XIRP1: variants seen among roughly 807,000 people sequenced by gnomAD.
The protein encoded by XIRP1 is xin actin-binding repeat-containing protein 1.
For synonymous variants in XIRP1, 984 were observed against 947.0 expected (o/e 1.04, Z -0.72); for missense variants, 2,378 against 2,345.4 (o/e 1.01, Z -0.29).
In XIRP1 at chr3:39,184,014, A is replaced by G. The variant is rs961312723; in HGVS notation, c.5432T>C (p.Leu1811Pro). Reference sequence around the variant, plus strand: ...AGCTGGGCTGTGCAGGAACTGCCTCAGCAAGGGGGAGGCGTGGAGCCCGAG... The same window carrying G: ...AGCTGGGCTGTGCAGGAACTGCCTCGGCAAGGGGGAGGCGTGGAGCCCGAG... ...SHLGLHASPL[L>P]RQFLHSPAGF... Residue 1811 changes from leucine to proline, a missense_variant, in exon 2 of 2, where the codon CTG becomes CCG. Physicochemically the swap from Leu to Pro is moderately conservative, Grantham distance 98. Coordinates refer to ENST00000340369, the MANE Select transcript of XIRP1 (RefSeq NM_194293.4). 2 of 1,613,126 alleles carry G rather than the reference A, an allele frequency of 1.2e-6. No homozygotes were observed. Among genetic ancestry groups the G allele is most frequent in the African/African-American group, 2.7e-5 (2 of 75,022 alleles).
Position 39,188,615 on chromosome 3 carries a change from A to G in XIRP1, c.831T>C (p.Pro277=), listed in dbSNP as rs780175685. ...RSARWLFETR[P]LDAINQDPSQ... Reference sequence around the variant, plus strand: ...TGGGGTCCTGGTTGATGGCGTCCAGAGGCCGGGTCTCAAAGAGCCAGCGGG... The same window carrying G: ...TGGGGTCCTGGTTGATGGCGTCCAGGGGCCGGGTCTCAAAGAGCCAGCGGG... The change falls in exon 2 of 2, where the codon CCT becomes CCC. Residue 277 remains proline, a synonymous_variant. Coordinates refer to ENST00000340369, the MANE Select transcript of XIRP1 (RefSeq NM_194293.4). 6.2e-7 allele frequency: 1 copy of G among 1,613,420 alleles called. No homozygotes were observed.
chr3:39,185,050 T>C lies in XIRP1; in HGVS notation c.4396A>G (p.Arg1466Gly). The change falls in exon 2 of 2, where the codon AGA becomes GGA. Residue 1466 changes from arginine to glycine, a missense_variant. Coordinates refer to ENST00000340369, the MANE Select transcript of XIRP1 (RefSeq NM_194293.4). ...GAPESPDSLQ[R>G]NQKELQGLLN... ...AGGCCCTGGAGCTCTTTCTGGTTTC[T>C]TTGCAGACTGTCAGGGCTCTCAGGG... 2 of 1,522,004 alleles carry C rather than the reference T, an allele frequency of 1.3e-6. No homozygotes were observed. Among genetic ancestry groups the C allele is most frequent in the Non-Finnish European group, 1.8e-6 (2 of 1,138,482 alleles). The allele number at this position is 1,522,004 out of a possible 1,614,324, so 94.3% of individuals were successfully genotyped here. A position where few individuals can be genotyped will look rare whatever the true frequency, so the allele number is the denominator to read the frequency against.
rs760701476 is a variant in XIRP1 at position 39,184,063 on chromosome 3, G to A, written c.5383C>T (p.Pro1795Ser). The A allele has an allele frequency of 1.9e-6, 3 of 1,610,036 alleles. No individual in the cohort carries two copies. Among genetic ancestry groups the A allele is most frequent in the South Asian group, 1.1e-5 (1 of 90,668 alleles). Residue 1795 changes from proline (P) to serine (S), a missense_variant, in exon 2 of 2, where the codon CCA (proline) becomes TCA (serine). Pro to Ser is a moderately conservative substitution (Grantham distance 74, BLOSUM62 -1). Coordinates refer to ENST00000340369, the MANE Select transcript of XIRP1 (RefSeq NM_194293.4). Reference protein sequence around the residue: ...SSTTVTEQAEPPRNPGSHLGL... With the variant: ...SSTTVTEQAESPRNPGSHLGL... Reference sequence around the variant, plus strand: ...AGGTGGGAGCCTGGGTTCCTGGGTGGCTCTGCCTGCTCGGTGACTGTGGTG... The same window carrying A: ...AGGTGGGAGCCTGGGTTCCTGGGTGACTCTGCCTGCTCGGTGACTGTGGTG...
At position 39,185,430 on chromosome 3, in the gene XIRP1, G is replaced by A. The variant is rs751228369; in HGVS notation, c.4016C>T (p.Pro1339Leu). ...AGGCAAGGGCTTGGGCAGCCTCTGA[G>A]GAGGGTGGCTCTGGGTTAGGTGTGC... ...KPAHLTQSHP[P>L]QRLPKPLPLS... The change falls in exon 2 of 2, where the codon CCT (proline) becomes CTT (leucine). Residue 1339 changes from proline (P) to leucine (L), a missense_variant. By Grantham distance (98) the Pro-to-Leu change is moderately conservative. Transcript: ENST00000340369. 1.9e-6 allele frequency: 3 copies of A among 1,611,250 alleles called. No individual in the cohort carries two copies. The highest frequency in any genetic ancestry group is 1.7e-6 in the Non-Finnish European group (2 of 1,178,288).
rs1267718518 is a variant in XIRP1 at position 39,184,653 on chromosome 3, C to T, written c.4793G>A (p.Gly1598Asp). The T allele has an allele frequency of 1.2e-6, 2 of 1,613,760 alleles. No homozygotes were observed. Among genetic ancestry groups the T allele is most frequent in the Non-Finnish European group, 1.7e-6 (2 of 1,179,862 alleles). ...TTGACCTCCGACCTCCTGGCCTGAGCCACTGGGCCTGGCGCTACTGCTGAC... is the reference window on the plus strand; with the variant it reads ...TTGACCTCCGACCTCCTGGCCTGAGTCACTGGGCCTGGCGCTACTGCTGAC... Reference protein sequence around the residue: ...VTVSSSARPSGSGQEVGGQTA... With the variant: ...VTVSSSARPSDSGQEVGGQTA... Residue 1598 changes from glycine (G) to aspartate (D), a missense_variant, in exon 2 of 2, where the codon GGC becomes GAC. Gly to Asp is a moderately conservative substitution (Grantham distance 94). Transcript: ENST00000340369.
At position 39,187,629 on chromosome 3, in the gene XIRP1, AACTC is replaced by A. The variant is rs1185993718; in HGVS notation, c.1813_1816del (p.Glu605TrpfsTer75). The A allele has an allele frequency of 7.4e-6, 12 of 1,614,066 alleles. No individual in the cohort carries two copies. The highest frequency in any genetic ancestry group is 9.3e-6 in the Non-Finnish European group (11 of 1,180,026). On this transcript the variant is annotated frameshift_variant, in exon 2 of 2. Transcript: ENST00000340369. LOFTEE classifies it low-confidence loss of function (END_TRUNC). ...GACCTCTGACCCCTGCTTTTCGGCCAACTCACTCATTGGGCAAGTCTCGAACAAC... is the reference window on the plus strand; with the variant it reads ...GACCTCTGACCCCTGCTTTTCGGCCAACTCATTGGGCAAGTCTCGAACAAC...
Position 39,183,915 on chromosome 3 carries a change from C to T in XIRP1, c.5531G>A (p.Ter1844=). Residue 1844 remains the stop codon, a stop_retained_variant, in exon 2 of 2, where the codon TGA becomes TAA. Coordinates refer to ENST00000340369, the MANE Select transcript of XIRP1 (RefSeq NM_194293.4). ...AGGTGTGGTGGGAGGCGGTGGGCCT[C>T]ACTGGGCAGCTGGCTGGGAGTAGCT... ...SCSYSQPAAQ[*] is the part of the protein sequence containing the mutation. 1 of 1,608,830 alleles carries T rather than the reference C, an allele frequency of 6.2e-7. No homozygotes were observed. Among genetic ancestry groups the T allele is most frequent in the South Asian group, 1.1e-5 (1 of 90,774 alleles).
In XIRP1 at chr3:39,186,014, G is replaced by A. The variant is rs372059880; in HGVS notation, c.3432C>T (p.Thr1144=). The change falls in exon 2 of 2, where the codon ACC becomes ACT. Residue 1144 remains threonine, a synonymous_variant. Coordinates refer to ENST00000340369, the MANE Select transcript of XIRP1 (RefSeq NM_194293.4). ...GWVTIQDGIY[T]AHPVRTFDPP... ...GGTCAAAGGTCCTCACGGGATGAGC[G>A]GTGTAGATGCCATCCTGAATTGTCA... 13 of 1,613,998 alleles carry A rather than the reference G, an allele frequency of 8.1e-6. No homozygotes were observed. Among genetic ancestry groups the A allele is most frequent in the Admixed American group, 1.7e-5 (1 of 60,000 alleles).
Position 39,184,989 on chromosome 3 carries a change from G to T in XIRP1, c.4457C>A (p.Ala1486Glu), listed in dbSNP as rs758699577. Residue 1486 changes from alanine (A) to glutamate (E), a missense_variant, in exon 2 of 2, where the codon GCA (alanine) becomes GAA (glutamate). Ala to Glu is a moderately radical substitution (Grantham distance 107). Transcript: ENST00000340369. ...NQVQALEKEA[A>E]SSVDVQALRR... ...CAGGGCCTGCACGTCCACACTGCTT[G>T]CGGCCTCCTTCTCCAGGGCTTGCAC... 7.2e-6 allele frequency: 11 copies of T among 1,523,006 alleles called. No homozygotes were observed. The highest frequency in any genetic ancestry group is 9.7e-6 in the Non-Finnish European group (11 of 1,138,384). The allele number at this position is 1,523,006 out of a possible 1,614,324, so 94.3% of individuals were successfully genotyped here. A position where few individuals can be genotyped will look rare whatever the true frequency, so the allele number is the denominator to read the frequency against.
In XIRP1 at chr3:39,188,351, T is replaced by C; in HGVS notation, c.1095A>G (p.Ala365=). ...CCACTTCCTCCTTGGGTGGGGCCTC[T>C]GCTCCAGCCTCTTCGTCCCCCTTCA... ...DTLKGDEEAG[A]EAPPKEEVVP... Residue 365 remains alanine, a synonymous_variant, in exon 2 of 2, where the codon GCA becomes GCG. Coordinates refer to ENST00000340369, the MANE Select transcript of XIRP1 (RefSeq NM_194293.4). 2 of 1,614,148 alleles carry C rather than the reference T, an allele frequency of 1.2e-6. No homozygotes were observed. The highest frequency in any genetic ancestry group is 1.7e-6 in the Non-Finnish European group (2 of 1,180,018).
rs1402466462 is a variant in XIRP1 at position 39,185,679 on chromosome 3, G to A, written c.3767C>T (p.Pro1256Leu). Reference protein sequence around the residue: ...SPHPHNAFVPPPPTLPAAVTG... With the variant: ...SPHPHNAFVPLPPTLPAAVTG... ...CACAGCAGCTGGGAGAGTAGGAGGA[G>A]GAGGAACAAAGGCATTATGGGGGTG... The change falls in exon 2 of 2, where the codon CCT becomes CTT. Residue 1256 changes from proline to leucine, a missense_variant. By Grantham distance (98) the Pro-to-Leu change is moderately conservative. Coordinates refer to ENST00000340369, the MANE Select transcript of XIRP1 (RefSeq NM_194293.4). 3 of 1,613,578 alleles carry A rather than the reference G, an allele frequency of 1.9e-6. No individual in the cohort carries two copies. Among genetic ancestry groups the A allele is most frequent in the East Asian group, 2.2e-5 (1 of 44,882 alleles).
Position 39,185,193 on chromosome 3 carries a change from C to A in XIRP1, c.4253G>T (p.Ser1418Ile). The change falls in exon 2 of 2, where the codon AGC becomes ATC. Residue 1418 changes from serine (S) to isoleucine (I), a missense_variant. Physicochemically the swap from Ser to Ile is moderately radical, Grantham distance 142. Coordinates refer to ENST00000340369, the MANE Select transcript of XIRP1 (RefSeq NM_194293.4). ...GGGGGGCTCAGAGCTCTGGGCATTGCTGCCTGTAGCCTGATTCTTGGTGGG... is the reference window on the plus strand; with the variant it reads ...GGGGGGCTCAGAGCTCTGGGCATTGATGCCTGTAGCCTGATTCTTGGTGGG... The part of the protein sequence containing the change: ...PRPTKNQATG[S>I]NAQSSEPPKL... 6.2e-7 allele frequency: 1 copy of A among 1,613,156 alleles called. No individual in the cohort carries two copies. Among genetic ancestry groups the A allele is most frequent in the Non-Finnish European group, 8.5e-7 (1 of 1,179,410 alleles).
chr3:39,183,887 G>A lies in XIRP1; in HGVS notation c.*27C>T. 1 of 1,597,554 alleles carries A rather than the reference G, an allele frequency of 6.3e-7. No homozygotes were observed. Among genetic ancestry groups the A allele is most frequent in the East Asian group, 2.2e-5 (1 of 44,722 alleles). ...GGGGCAGTGGAGGCCAGGAACAGGT[G>A]GCAGGTGTGGTGGGAGGCGGTGGGC... On this transcript the variant is annotated 3_prime_UTR_variant, in exon 2 of 2. Coordinates refer to ENST00000340369, the MANE Select transcript of XIRP1 (RefSeq NM_194293.4).
At position 39,184,204 on chromosome 3, in the gene XIRP1, T is replaced by A; in HGVS notation, c.5242A>T (p.Ser1748Cys). ...GGCCCCGTCTGTAGCTCCAGAACAC[T>A]CTTTTGCCACCCTCTGGGCAGGGGA... The part of the protein sequence containing the change: ...ASPLPRGWQK[S>C]VLELQTGPGS... Residue 1748 changes from serine (S) to cysteine (C), a missense_variant, in exon 2 of 2, where the codon AGT becomes TGT. Transcript: ENST00000340369. The A allele has an allele frequency of 1.9e-6, 3 of 1,614,170 alleles. No homozygotes were observed. Among genetic ancestry groups the A allele is most frequent in the Admixed American group, 1.7e-5 (1 of 60,024 alleles).
Position 39,185,961 on chromosome 3 carries a change from C to T in XIRP1, c.3485G>A (p.Arg1162Lys), listed in dbSNP as rs764110919. 1.9e-6 allele frequency: 3 copies of T among 1,614,096 alleles called. No individual in the cohort carries two copies. The highest frequency in any genetic ancestry group is 2.2e-5 in the South Asian group (2 of 91,084). The part of the protein sequence containing the change: ...DPPGGVQLSQ[R>K]EPQSRHRETA... The stretch of plus-strand genomic sequence containing the variant: ...CTCCCTGTGCCTTGACTGGGGTTCC[C>T]TCTGAGAAAGCTGGACACCCCCAGG... Residue 1162 changes from arginine (R) to lysine (K), a missense_variant, in exon 2 of 2, where the codon AGG becomes AAG. Coordinates refer to ENST00000340369, the MANE Select transcript of XIRP1 (RefSeq NM_194293.4).
Position 39,188,141 on chromosome 3 carries a change from C to G in XIRP1, c.1305G>C (p.Lys435Asn). The change falls in exon 2 of 2, where the codon AAG (lysine) becomes AAC (asparagine). Residue 435 changes from lysine to asparagine, a missense_variant. Coordinates refer to ENST00000340369, the MANE Select transcript of XIRP1 (RefSeq NM_194293.4). The part of the protein sequence containing the change: ...SQSAPQRDEL[K>N]GDVKTFKNLF... ...GGTTCTTAAAAGTCTTCACATCCCC[C>G]TTTAGCTCATCCCTCTGGGGGGCAC... is the stretch of plus-strand genomic sequence containing the variant. The G allele has an allele frequency of 1.9e-6, 3 of 1,614,204 alleles. No homozygotes were observed. The highest frequency in any genetic ancestry group is 2.5e-6 in the Non-Finnish European group (3 of 1,180,030).
In XIRP1 at chr3:39,185,293, T is replaced by A. The variant is rs749933188; in HGVS notation, c.4153A>T (p.Ile1385Leu). The A allele has an allele frequency of 6.2e-7, 1 of 1,614,174 alleles. No homozygotes were observed. Among genetic ancestry groups the A allele is most frequent in the East Asian group, 2.2e-5 (1 of 44,870 alleles). Residue 1385 changes from isoleucine (I) to leucine (L), a missense_variant, in exon 2 of 2, where the codon ATA (isoleucine) becomes TTA (leucine). Physicochemically the swap from Ile to Leu is conservative, Grantham distance 5. Coordinates refer to ENST00000340369, the MANE Select transcript of XIRP1 (RefSeq NM_194293.4). The stretch of plus-strand genomic sequence containing the variant: ...CCACTGGGACATCTGGCCAGAGGTA[T>A]GTGGCCCTGGTCTACAGTAGTGGGA... Reference protein sequence around the residue: ...KVPTTVDQGHIPLARCPSGHS... With the variant: ...KVPTTVDQGHLPLARCPSGHS...
chr3:39,185,058 C>CTG lies in XIRP1; in HGVS notation c.4386_4387dup (p.Ser1463ThrfsTer14). The stretch of plus-strand genomic sequence containing the variant: ...GAGCTCTTTCTGGTTTCTTTGCAGA[C>CTG]TGTCAGGGCTCTCAGGGGCCCCTTG... On this transcript the variant is annotated frameshift_variant, in exon 2 of 2. Coordinates refer to ENST00000340369, the MANE Select transcript of XIRP1 (RefSeq NM_194293.4). LOFTEE classifies it low-confidence loss of function (END_TRUNC). The CTG allele has an allele frequency of 6.6e-7, 1 of 1,523,046 alleles. No individual in the cohort carries two copies. The highest frequency in any genetic ancestry group is 1.8e-4 in the Middle Eastern group (1 of 5,624). The allele number at this position is 1,523,046 out of a possible 1,614,324, so 94.3% of individuals were successfully genotyped here.
chr3:39,186,605 C>T lies in XIRP1; in HGVS notation c.2841G>A (p.Glu947=). The change falls in exon 2 of 2, where the codon GAG becomes GAA. Residue 947 remains glutamate, a synonymous_variant. Coordinates refer to ENST00000340369, the MANE Select transcript of XIRP1 (RefSeq NM_194293.4). ...GCACTGGACTCGGGTCAGCCGGGGG[C>T]TCCCACCGCAGACTGTGCAGGCCAC... The part of the protein sequence containing the change: ...DLSGLHSLRW[E]PPADPSPVPA... 1 of 1,609,868 alleles carries T rather than the reference C, an allele frequency of 6.2e-7. No individual in the cohort carries two copies. The highest frequency in any genetic ancestry group is 8.5e-7 in the Non-Finnish European group (1 of 1,177,460).
Sources: gnomAD v4.1 joint callset for allele counts on GRCh38, gnomAD v4.1.1 for gene constraint, MANE v1.5 for transcripts, NCBI Gene and HGNC (gene_info 2026-07-23, HGNC 2026-07-21) for gene names.